Variants in TMBIM4 observed in about 807,000 individuals in gnomAD.
TMBIM4 encodes protein lifeguard 4.
A neutral mutation model predicts 27.7 loss-of-function variants in TMBIM4; 28 were observed. That is an observed-to-expected ratio of 1.01 (90% CI 0.75 to 1.38). The LOEUF (loss-of-function observed/expected upper bound fraction) is 1.38, where lower values mean the gene tolerates loss of function less well. Ranked by LOEUF, TMBIM4 falls within the 40% of genes most tolerant of loss-of-function variation. The pLI is 0.00. For missense variants in TMBIM4, 265 were observed against 277.5 expected, an observed-to-expected ratio of 0.95 and a Z score of 0.32; for synonymous variants, 115 against 113.1, an observed-to-expected ratio of 1.02 and a Z score of -0.11.
chr12:66,159,215 G>T (rs1292148736), intron 1 of TMBIM4, among the ~76,000 whole-genome samples: 1 of 152,204 alleles, frequency 6.6e-6, no homozygotes, highest in Non-Finnish European at 1.5e-5. Context: ...ATGTAATGAT[G>T]TGTGTGATTC....
intron 1 of TMBIM4, chr12:66,160,270 T>G: frequency 1.4e-6 from 1 of 702,978 alleles, no homozygotes; most frequent in Non-Finnish European, 2.6e-6. Context: ...GGTATCCTCA[T>G]ATATTGTTTG....
chr12:66,166,503 GGAA>G (rs936525848), intron 1 of TMBIM4, among the ~76,000 whole-genome samples: 1 of 148,892 alleles, frequency 6.7e-6, no homozygotes, highest in African/African-American at 2.5e-5. Flanking sequence ...AAAAGAAAAA[GGAA>G]GAAGAAACAC....
At position 66,137,822 on chromosome 12, in the gene TMBIM4, ATT is replaced by A. The variant is rs2051600996; in HGVS notation, c.*136_*137del. 1.6e-6 allele frequency: 1 copy of A among 644,492 alleles called. No homozygotes were observed. Among genetic ancestry groups the A allele is most frequent in the African/African-American group, 1.9e-5 (1 of 53,088 alleles). The allele number at this position is 644,492 out of a possible 1,614,324, so 39.9% of individuals were successfully genotyped here. On this transcript the variant is annotated 3_prime_UTR_variant, in exon 7 of 7. Transcript: ENST00000358230. ...AAAATTACATATGATACAAATAAAG[ATT>A]GTAACAGTATTTAATCATTGTTTCA... is the stretch of plus-strand genomic sequence containing the variant.
chr12:66,138,854 C>A, intron 5 of TMBIM4, 85 bp from the exon 6 acceptor site: 2 of 1,362,322 alleles, frequency 1.5e-6, no homozygotes, highest in Non-Finnish European at 1.9e-6. Context: ...CTGAAAAAAA[C>A]ATCCATCTGG....
intron 3 of TMBIM4, among the ~76,000 whole-genome samples, chr12:66,151,621 A>G (rs2051846746): frequency 6.6e-6 from 1 of 152,260 alleles, no homozygotes; most frequent in Admixed American, 6.5e-5. Flanking sequence ...AAGAGGCAAA[A>G]TAATTTTTTA....
At chr12:66,144,783 A>AC (rs1236775519) in intron 5 of TMBIM4, 1 of 152,194 alleles carries the variant, frequency 6.6e-6, no homozygotes, top group Non-Finnish European at 1.5e-5. Context: ...ATTATCAGAA[A>AC]CAGCAGACAC....
Position 66,145,907 on chromosome 12 carries a change from G to A in TMBIM4, c.398C>T (p.Thr133Ile). The change falls in exon 5 of 7, where the codon ACA (threonine) becomes ATA (isoleucine). Residue 133 changes from threonine (T) to isoleucine (I), a missense_variant. Transcript: ENST00000358230. Reference sequence around the variant, plus strand: ...ATACACAGTCAAACCAAAAAATACTGTAGTAGTCAGTATGAAAGCTTGCAG... The same window carrying A: ...ATACACAGTCAAACCAAAAAATACTATAGTAGTCAGTATGAAAGCTTGCAG... Reference protein sequence around the residue: ...IILQAFILTTTVFFGLTVYTL... With the variant: ...IILQAFILTTIVFFGLTVYTL... 1.9e-6 allele frequency: 3 copies of A among 1,606,574 alleles called. No individual in the cohort carries two copies. The South Asian group carries it at 3.3e-5, about 18-fold the overall frequency.
intron 1 of TMBIM4, chr12:66,160,113 G>C: frequency 1.5e-6 from 1 of 684,210 alleles, no homozygotes; most frequent in Non-Finnish European, 2.7e-6. Flanking sequence ...TGGCAGAGTT[G>C]AGGAGCTGCA....
intron 5 of TMBIM4, 177 bp from the exon 6 acceptor site, chr12:66,138,946 A>G: frequency 1.1e-6 from 1 of 876,160 alleles, no homozygotes; most frequent in Non-Finnish European, 1.5e-6. Context: ...CTTTTTTTTA[A>G]AGAAATTGAA....
At chr12:66,147,500 A>T (rs908508895) in intron 4 of TMBIM4, among the ~76,000 whole-genome samples, 1 of 152,240 alleles carries the variant, frequency 6.6e-6, no homozygotes, top group Admixed American at 6.5e-5. Flanking sequence ...AAATATGAGG[A>T]TATAATGTTA....
chr12:66,139,798 A>T (rs990347110), intron 5 of TMBIM4: 1 of 455,612 alleles, frequency 2.2e-6, no homozygotes, highest in African/African-American at 2.0e-5. Flanking sequence ...ACAATAGAGA[A>T]GCAGGCAGAA....
In TMBIM4 at chr12:66,137,740, T is replaced by C. The variant is rs1037390414; in HGVS notation, c.*220A>G. 9 of 489,284 alleles carry C rather than the reference T, an allele frequency of 1.8e-5. No homozygotes were observed. Among genetic ancestry groups the C allele is most frequent in the Admixed American group, 7.1e-5 (2 of 28,042 alleles). 30.3% of individuals were successfully genotyped at this position (489,284 alleles called of 1,614,324 possible). On this transcript the variant is annotated 3_prime_UTR_variant, in exon 7 of 7. Transcript: ENST00000358230. ...TTTTGATAGCTCTTAACTGAGATCC[T>C]AAATCAAGGATTTAGAAATGAGGTA...
At chr12:66,150,370 TCTC>T (rs1439357291) in intron 3 of TMBIM4, among the ~76,000 whole-genome samples, 2 of 151,924 alleles carry the variant, frequency 1.3e-5, no homozygotes, top group Non-Finnish European at 2.9e-5. Context: ...ATTCTTTCTC[TCTC>T]CTTTCTTCCT....
At chr12:66,159,439 A>C (rs1282371067) in intron 1 of TMBIM4, among the ~76,000 whole-genome samples, 1 of 152,100 alleles carries the variant, frequency 6.6e-6, no homozygotes, top group Admixed American at 6.5e-5. Context: ...ATGTGACTGC[A>C]GTCCTGCAGT....
chr12:66,163,445 C>T (rs1051674070), intron 1 of TMBIM4, among the ~76,000 whole-genome samples: 1 of 152,128 alleles, frequency 6.6e-6, no homozygotes, highest in East Asian at 1.9e-4. Context: ...CGGGGGAAGG[C>T]CTCAGGAAAC....
At chr12:66,153,057 T>C (rs1043267087) in intron 2 of TMBIM4, among the ~76,000 whole-genome samples, 1 of 152,136 alleles carries the variant, frequency 6.6e-6, no homozygotes, top group Non-Finnish European at 1.5e-5. Flanking sequence ...TAATAAAGTT[T>C]TTAAAACTTA....
chr12:66,143,771 AC>A (rs1456030660), intron 5 of TMBIM4, among the ~76,000 whole-genome samples: 1 of 152,082 alleles, frequency 6.6e-6, no homozygotes, highest in Non-Finnish European at 1.5e-5. Flanking sequence ...CAGCCTATAA[AC>A]TTTTTAGAAA....
In TMBIM4 at chr12:66,161,004, G is replaced by A. The variant is rs563333474; in HGVS notation, c.98-7556C>T. 113 of 151,292 alleles carry A rather than the reference G, an allele frequency of 7.5e-4. 1 individual carries two copies. Among genetic ancestry groups the A allele is most frequent in the African/African-American group, 2.5e-3 (101 of 41,110 alleles). The allele number at this position is 151,292 out of a possible 1,614,324, so 9.4% of individuals were successfully genotyped here. A position where few individuals can be genotyped will look rare whatever the true frequency, so the allele number is the denominator to read the frequency against. The stretch of plus-strand genomic sequence containing the variant: ...CTGCTCACTTCCCAGACCGGGCAGC[G>A]GCGGGTCAGAGGCGCTCCTCACATC... On this transcript the variant is annotated intron_variant, in intron 1 of 6. Transcript: ENST00000358230.
intron 1 of TMBIM4, among the ~76,000 whole-genome samples, chr12:66,160,763 C>T (rs538605776): frequency 2.0e-5 from 3 of 152,328 alleles, no homozygotes; most frequent in East Asian, 3.9e-4. Flanking sequence ...GCACAGCGGC[C>T]GAGCAGAGGC....
Sources: gnomAD v4.1 joint callset for allele counts (sites outside exome capture counted in the v4.1 genomes callset) on GRCh38, gnomAD v4.1.1 for gene constraint, MANE v1.5 for transcripts, NCBI Gene and HGNC (gene_info 2026-07-23, HGNC 2026-07-21) for gene names.